The following RBAK variants were observed in gnomAD, a reference collection of about 807,000 sequenced individuals.
RBAK encodes the protein RB associated KRAB zinc finger.
Under a neutral mutation model 65.8 loss-of-function variants are expected in RBAK, and 39 were observed. The ratio of observed to expected loss-of-function variants is 0.59; its 90% CI spans 0.46 to 0.77. The LOEUF (loss-of-function observed/expected upper bound fraction) is 0.77. Among genes scored for constraint, RBAK ranks in the 30% least tolerant of loss-of-function variants. The pLI, the probability that RBAK is intolerant of heterozygous loss-of-function variation, is 0.00. For missense variants in RBAK, 884 were observed against 855.1 expected, an observed-to-expected ratio of 1.03 and a Z score of -0.42; for synonymous variants, 343 against 289.7, an observed-to-expected ratio of 1.18 and a Z score of -1.87.
intron 4 of RBAK, among the ~76,000 whole-genome samples, chr7:5,062,717 A>G (rs1779106548): frequency 6.6e-6 from 1 of 152,214 alleles, no homozygotes; most frequent in Non-Finnish European, 1.5e-5. Flanking sequence ...AGTCTCGACC[A>G]TAGACGACGG....
chr7:5,062,418 C>A (rs1435559213), intron 4 of RBAK, among the ~76,000 whole-genome samples: 2 of 152,086 alleles, frequency 1.3e-5, no homozygotes, highest in Non-Finnish European at 2.9e-5. Context: ...TAGGGACTTT[C>A]AAAAGGGGAG....
Position 5,052,221 on chromosome 7 carries a change from A to G in RBAK, c.15+4130A>G, listed in dbSNP as rs149415383. On this transcript the variant is annotated intron_variant, in intron 2 of 4. Transcript: ENST00000396912. ...ATGGTATATCTTATTCCATCCTTTT[A>G]CTTATAACGTATTTGCATCTTTATA... 6.3e-3 allele frequency among the ~76,000 whole-genome samples: 960 copies of G among 152,154 alleles called. 11 individuals are homozygous for G. Among genetic ancestry groups the G allele is most frequent in the Non-Finnish European group, 7.3e-3 (499 of 67,990 alleles).
At chr7:5,055,066 GC>G (rs1788197008) in intron 2 of RBAK, among the ~76,000 whole-genome samples, 1 of 152,136 alleles carries the variant, frequency 6.6e-6, no homozygotes, top group Non-Finnish European at 1.5e-5. Flanking sequence ...ACAGGCGTGA[GC>G]CACCGTGCCC....
At chr7:5,053,794 G>C (rs971074693) in intron 2 of RBAK, among the ~76,000 whole-genome samples, 2 of 152,132 alleles carry the variant, frequency 1.3e-5, no homozygotes, top group African/African-American at 4.8e-5. Flanking sequence ...TAGAAGGTTA[G>C]CGTGGGTCTT....
Position 5,064,016 on chromosome 7 carries a change from A to T in RBAK, c.560A>T (p.Tyr187Phe). ...MCEFNQNGDT[Y>F]SHNEENILQK... Reference sequence around the variant, plus strand: ...GAATTTAATCAAAATGGGGATACCTATTCTCACAATGAAGAAAATATTCTT... The same window carrying T: ...GAATTTAATCAAAATGGGGATACCTTTTCTCACAATGAAGAAAATATTCTT... Residue 187 changes from tyrosine to phenylalanine, a missense_variant, in exon 5 of 5, where the codon TAT becomes TTT. Transcript: ENST00000396912. This position sits in a 1 kb window ranked among gnomAD's most constrained non-coding sequence, Gnocchi z 6.3. The T allele has an allele frequency of 1.2e-6, 2 of 1,613,548 alleles. No individual in the cohort carries two copies. Among genetic ancestry groups the T allele is most frequent in the Non-Finnish European group, 1.7e-6 (2 of 1,179,850 alleles).
In RBAK at chr7:5,066,532, A is replaced by T. The variant is rs182023025; in HGVS notation, c.*931A>T. ...CCTTGTTTTTTAACCCATAGGTTTG[A>T]GTGTGCCTAGTGCCAATATTTTGTA... On this transcript the variant is annotated 3_prime_UTR_variant, in exon 5 of 5. Transcript: ENST00000396912. 16 of 152,286 alleles carry T rather than the reference A, an allele frequency of 1.1e-4. No homozygotes were observed. Among genetic ancestry groups the T allele is most frequent in the African/African-American group, 3.8e-4 (16 of 41,570 alleles). The allele number at this position is 152,286 out of a possible 1,614,324, so 9.4% of individuals were successfully genotyped here. A position where few individuals can be genotyped will look rare whatever the true frequency, so the allele number is the denominator to read the frequency against.
chr7:5,060,175 T>C (rs974022901), intron 4 of RBAK, among the ~76,000 whole-genome samples: 5 of 152,232 alleles, frequency 3.3e-5, no homozygotes, highest in Admixed American at 3.3e-4. Flanking sequence ...CTTTTTACTC[T>C]TCTTGCTTTT....
intron 2 of RBAK, among the ~76,000 whole-genome samples, chr7:5,053,366 C>T (rs1456701708): frequency 6.6e-6 from 1 of 151,998 alleles, no homozygotes; most frequent in East Asian, 1.9e-4. Flanking sequence ...ATCTTTGTTC[C>T]CCTGTATATA....
Position 5,065,581 on chromosome 7 carries a change from C to G in RBAK, c.2125C>G (p.Leu709Val). The G allele has an allele frequency of 5.3e-6, 8 of 1,523,464 alleles. No homozygotes were observed. Among genetic ancestry groups the G allele is most frequent in the Non-Finnish European group, 5.3e-6 (6 of 1,138,716 alleles). 94.4% of individuals were successfully genotyped at this position (1,523,464 alleles called of 1,614,324 possible). A position where few individuals can be genotyped will look rare whatever the true frequency, so the allele number is the denominator to read the frequency against. Reference protein sequence around the residue: ...RIHRRGNMNVLDVENL With the variant: ...RIHRRGNMNVVDVENL ...TCATAGAAGAGGAAATATGAACGTACTTGATGTGGAAAATCTCTGAAGTCA... is the reference window on the plus strand; with the variant it reads ...TCATAGAAGAGGAAATATGAACGTAGTTGATGTGGAAAATCTCTGAAGTCA... Residue 709 changes from leucine to valine, a missense_variant, in exon 5 of 5, where the codon CTT becomes GTT. Coordinates refer to ENST00000396912, the MANE Select transcript of RBAK (RefSeq NM_021163.4). The surrounding 1 kb of genome is among the most constrained non-coding windows in gnomAD (Gnocchi z 5.3).
chr7:5,064,103 A>G lies in RBAK; in HGVS notation c.647A>G (p.Asn216Ser), dbSNP rs750164642. ...EYNECMEALD[N>S]EAVFIAHKRA... ...AATGAATGCATGGAAGCCTTAGACA[A>G]TGAGGCTGTTTTTATTGCTCATAAG... Residue 216 changes from asparagine (N) to serine (S), a missense_variant, in exon 5 of 5, where the codon AAT becomes AGT. By Grantham distance (46) the Asn-to-Ser change is conservative. Coordinates refer to ENST00000396912, the MANE Select transcript of RBAK (RefSeq NM_021163.4). This position sits in a 1 kb window ranked among gnomAD's most constrained non-coding sequence, Gnocchi z 6.3. 6.2e-6 allele frequency: 10 copies of G among 1,613,958 alleles called. No individual in the cohort carries two copies. In the South Asian group the frequency reaches 7.7e-5, roughly 12 times the overall value.
In RBAK at chr7:5,060,626, C is replaced by G. The variant is rs537106923; in HGVS notation, c.238+2847C>G. On this transcript the variant is annotated intron_variant, in intron 4 of 4. Coordinates refer to ENST00000396912, the MANE Select transcript of RBAK (RefSeq NM_021163.4). ...AGATAGATTTTGAGTATAGCCAACA[C>G]CAGGAGTCAAATTGAATGAGGAAGA... Among the ~76,000 whole-genome samples, 329 of 152,284 alleles carry G rather than the reference C, an allele frequency of 2.2e-3. 1 individual carries two copies. Among genetic ancestry groups the G allele is most frequent in the African/African-American group, 7.3e-3 (305 of 41,546 alleles).
At chr7:5,060,929 CATAAAA>C (rs1779053350) in intron 4 of RBAK, among the ~76,000 whole-genome samples, 1 of 152,026 alleles carries the variant, frequency 6.6e-6, no homozygotes, top group African/African-American at 2.4e-5. Flanking sequence ...TTGTAAGATA[CATAAAA>C]ATAAAAGTAC....
intron 2 of RBAK, among the ~76,000 whole-genome samples, chr7:5,051,367 A>G (rs553963545): frequency 2.0e-5 from 3 of 152,040 alleles, no homozygotes; most frequent in Non-Finnish European, 4.4e-5. Flanking sequence ...TTTTTTCTGA[A>G]CTGTTTGAGA....
chr7:5,067,146 A>G lies in RBAK; in HGVS notation c.*1545A>G, dbSNP rs1426841016. ...AAGATTATAAAAATAAGACAAGGAT[A>G]TCTGCTGTCAATGATTTTATTCGGC... On this transcript the variant is annotated 3_prime_UTR_variant, in exon 5 of 5. Transcript: ENST00000396912. 6.6e-6 allele frequency: 1 copy of G among 152,226 alleles called. No homozygotes were observed. The highest frequency in any genetic ancestry group is 1.5e-5 in the Non-Finnish European group (1 of 68,018). The allele number at this position is 152,226 out of a possible 1,614,324, so 9.4% of individuals were successfully genotyped here.
At chr7:5,049,304 T>G (rs546739081) in intron 2 of RBAK, among the ~76,000 whole-genome samples, 2 of 152,312 alleles carry the variant, frequency 1.3e-5, no homozygotes, top group Non-Finnish European at 2.9e-5. Flanking sequence ...GTGATCCCAG[T>G]AGACAGAATT....
intron 2 of RBAK, among the ~76,000 whole-genome samples, chr7:5,051,783 A>G (rs760091672): frequency 6.6e-6 from 1 of 152,338 alleles, no homozygotes; most frequent in Middle Eastern, 3.4e-3. Context: ...GGAACACTAC[A>G]TGGGACCTCT....
intron 2 of RBAK, among the ~76,000 whole-genome samples, chr7:5,049,145 A>G (rs1364100847): frequency 2.0e-5 from 3 of 152,188 alleles, no homozygotes; most frequent in Non-Finnish European, 4.4e-5. Flanking sequence ...TTCTTCATTC[A>G]AGTTGATATA....
At position 5,066,206 on chromosome 7, in the gene RBAK, A is replaced by G. The variant is rs1779214750; in HGVS notation, c.*605A>G. On this transcript the variant is annotated 3_prime_UTR_variant, in exon 5 of 5. Coordinates refer to ENST00000396912, the MANE Select transcript of RBAK (RefSeq NM_021163.4). The stretch of plus-strand genomic sequence containing the variant: ...GCAGTTTTCTTATTTGAGTATTAGG[A>G]TGGCAAAATGTATTAAGACAGGACA... 6.6e-6 allele frequency: 1 copy of G among 152,528 alleles called. No homozygotes were observed. Among genetic ancestry groups the G allele is most frequent in the Admixed American group, 6.6e-5 (1 of 15,264 alleles). 9.4% of individuals were successfully genotyped at this position (152,528 alleles called of 1,614,324 possible).
rs529329283 is a variant in RBAK at position 5,057,674 on chromosome 7, C to T, written c.143-10C>T. On this transcript the variant is annotated splice_polypyrimidine_tract_variant and intron_variant, in intron 3 of 4. Coordinates refer to ENST00000396912, the MANE Select transcript of RBAK (RefSeq NM_021163.4). ...GCTTCCCCAAGTCCTCCTTCTTTTCCCATTAACAGGATATGATACCACCAA... is the reference window on the plus strand; with the variant it reads ...GCTTCCCCAAGTCCTCCTTCTTTTCTCATTAACAGGATATGATACCACCAA... 2 of 1,613,500 alleles carry T rather than the reference C, an allele frequency of 1.2e-6. No individual in the cohort carries two copies. Among genetic ancestry groups the T allele is most frequent in the African/African-American group, 2.7e-5 (2 of 74,870 alleles).
Sources: allele counts gnomAD v4.1 joint callset (sites outside exome capture counted in the v4.1 genomes callset), GRCh38; gene constraint gnomAD v4.1.1; non-coding constraint Gnocchi (gnomAD v3.1); transcripts MANE v1.5; gene names NCBI Gene and HGNC (gene_info 2026-07-23, HGNC 2026-07-21).